The following RALYL variants were observed in gnomAD, a reference collection of about 807,000 sequenced individuals.
RALYL encodes RALY RNA binding protein like, also known as RNA-binding Raly-like protein.
Under a neutral mutation model 35.1 loss-of-function variants are expected in RALYL, and 29 were observed. The ratio of observed to expected loss-of-function variants is 0.83; its 90% CI spans 0.61 to 1.13. RALYL has a LOEUF of 1.13. RALYL is among the 50% of genes most tolerant of loss of function. The probability of loss-of-function intolerance (pLI) is 0.00; values close to 1 mark genes in which losing one functional copy is unlikely to be tolerated. For missense variants in RALYL, 359 were observed against 360.4 expected (o/e 1.00, Z 0.03); for synonymous variants, 120 against 127.6 (o/e 0.94, Z 0.40).
chr8:84,636,489 C>T (rs1316237475), intron 2 of RALYL, among the ~76,000 whole-genome samples: 2 of 151,718 alleles, frequency 1.3e-5, no homozygotes, highest in Non-Finnish European at 2.9e-5. Flanking sequence ...CGAATAGTAG[C>T]TCTCCCCTTA....
At chr8:84,609,898 G>T (rs931797234) in intron 2 of RALYL, among the ~76,000 whole-genome samples, 1 of 152,120 alleles carries the variant, frequency 6.6e-6, no homozygotes, top group Non-Finnish European at 1.5e-5. Context: ...GCAAAGGGAT[G>T]CCTCACGTAG....
chr8:84,703,222 A>G (rs1470232901), intron 2 of RALYL, among the ~76,000 whole-genome samples: 3 of 152,068 alleles, frequency 2.0e-5, no homozygotes, highest in Admixed American at 6.6e-5. Flanking sequence ...AAGGTCCCCA[A>G]TCCCTCCAAG....
intron 1 of RALYL, among the ~76,000 whole-genome samples, chr8:84,340,465 C>T (rs1848604163): frequency 6.6e-6 from 1 of 152,016 alleles, no homozygotes; most frequent in Non-Finnish European, 1.5e-5. Context: ...CCTTGGTAAC[C>T]ACTATTCTAC....
chr8:84,378,138 T>A (rs1377413698), intron 1 of RALYL, among the ~76,000 whole-genome samples: 1 of 151,954 alleles, frequency 6.6e-6, no homozygotes, highest in African/African-American at 2.4e-5. Flanking sequence ...ATCCACTTAA[T>A]TGTTTTACCT....
At chr8:84,364,788 T>C (rs192234327) in intron 1 of RALYL, among the ~76,000 whole-genome samples, 2 of 152,160 alleles carry the variant, frequency 1.3e-5, no homozygotes, top group Admixed American at 1.3e-4. Flanking sequence ...CATCTTTTCA[T>C]AATTGTTCAG....
intron 1 of RALYL, among the ~76,000 whole-genome samples, chr8:84,446,466 GTTAA>G (rs2048870587): frequency 6.6e-6 from 1 of 152,022 alleles, no homozygotes; most frequent in Admixed American, 6.6e-5. Context: ...ATAGTACGCT[GTTAA>G]TTAAGAGACC....
At chr8:84,469,795 C>T (rs868112031) in intron 1 of RALYL, among the ~76,000 whole-genome samples, 24 of 151,904 alleles carry the variant, frequency 1.6e-4, no homozygotes, top group South Asian at 6.2e-4. Context: ...AGCGAGACTC[C>T]GTGGGCATAG....
intron 2 of RALYL, among the ~76,000 whole-genome samples, chr8:84,766,084 A>T (rs1209146441): frequency 2.6e-5 from 4 of 152,204 alleles, no homozygotes; most frequent in African/African-American, 9.6e-5. Flanking sequence ...TATTTAATTT[A>T]AAAGACTACG....
chr8:84,678,944 G>A (rs1834793322), intron 2 of RALYL: 2 of 248,424 alleles, frequency 8.1e-6, no homozygotes, highest in South Asian at 9.2e-5. Context: ...AGCAGGTTGA[G>A]AATGACATTC....
chr8:84,259,351 T>C (rs1831776537), intron 1 of RALYL, among the ~76,000 whole-genome samples: 1 of 152,194 alleles, frequency 6.6e-6, no homozygotes, highest in Non-Finnish European at 1.5e-5. Context: ...TTTTCTCTTG[T>C]GTTATTAACT....
chr8:84,816,259 A>G (rs1827269590), intron 4 of RALYL, among the ~76,000 whole-genome samples: 1 of 152,148 alleles, frequency 6.6e-6, no homozygotes, highest in Admixed American at 6.6e-5. Context: ...AGTTTCTTCA[A>G]GCACTGACTG....
chr8:84,702,537 TC>T (rs1840379971), intron 2 of RALYL, among the ~76,000 whole-genome samples: 1 of 143,610 alleles, frequency 7.0e-6, no homozygotes, highest in African/African-American at 2.6e-5. Context: ...TCTCTCTCTC[TC>T]TCACACACAC....
chr8:84,553,392 G>C (rs886196538), intron 2 of RALYL, among the ~76,000 whole-genome samples: 1 of 152,140 alleles, frequency 6.6e-6, no homozygotes, highest in South Asian at 2.1e-4. Flanking sequence ...CTTGGCCTCA[G>C]GTGATCCTCC....
rs529002492 is a variant in RALYL, at chr8:84,488,036, TTTTA to T, written c.-23-41260_-23-41257del. 1.5e-4 allele frequency among the ~76,000 whole-genome samples: 23 copies of T among 152,152 alleles called. No homozygotes were observed. The East Asian group carries it at 4.5e-3, about 29-fold the overall frequency. On this transcript the variant is annotated intron_variant, in intron 1 of 8. Transcript: ENST00000521268. ...TCATTAATATTGGAACCAAAATAGC[TTTTA>T]TTGAGGAAGAATGATTGAAGTGTTA...
chr8:84,571,370 C>T (rs1007981577), intron 2 of RALYL, among the ~76,000 whole-genome samples: 1 of 151,592 alleles, frequency 6.6e-6, no homozygotes, highest in Non-Finnish European at 1.5e-5. Flanking sequence ...GAAATTTATC[C>T]ATTTCCTTTA....
At chr8:84,657,425 C>T (rs529015768) in intron 2 of RALYL, among the ~76,000 whole-genome samples, 49 of 152,246 alleles carry the variant, frequency 3.2e-4, no homozygotes, top group African/African-American at 1.0e-3. Flanking sequence ...TACTCTCAAC[C>T]GAAACTGGTT....
intron 1 of RALYL, among the ~76,000 whole-genome samples, chr8:84,370,060 A>G (rs537196566): frequency 1.3e-5 from 2 of 152,280 alleles, no homozygotes; most frequent in African/African-American, 4.8e-5. Context: ...CACAATTCCA[A>G]CAGTGATGCT....
intron 1 of RALYL, among the ~76,000 whole-genome samples, chr8:84,328,235 G>A (rs56952796): frequency 0.047 from 7,225 of 152,212 alleles, 266 homozygotes; most frequent in African/African-American, 0.083. Flanking sequence ...TTAGCTCACC[G>A]TTTCTAGACC....
intron 3 of RALYL, among the ~76,000 whole-genome samples, chr8:84,776,915 T>A (rs1260869412): frequency 6.6e-6 from 1 of 152,208 alleles, no homozygotes; most frequent in African/African-American, 2.4e-5. Context: ...CTTTTATCTG[T>A]TTACACAAAT....
Sources: gnomAD v4.1 joint callset for allele counts (sites outside exome capture counted in the v4.1 genomes callset) on GRCh38, gnomAD v4.1.1 for gene constraint, MANE v1.5 for transcripts, NCBI Gene and HGNC (gene_info 2026-07-23, HGNC 2026-07-21) for gene names.